The following FAT4 variants were observed in gnomAD, a reference collection of about 807,000 sequenced individuals.
FAT4 encodes the protein FAT atypical cadherin 4, also known as protocadherin Fat 4.
FAT4 carries 84 observed loss-of-function variants against 303.9 expected under a neutral mutation model. That is an observed-to-expected ratio of 0.28 (90% CI 0.23 to 0.33). The LOEUF is 0.33. Ranked by LOEUF, FAT4 falls within the 10% of genes least tolerant of loss-of-function variation. FAT4 has a pLI of 1.00. For missense variants in FAT4, 6,005 were observed against 6,146.8 expected, an observed-to-expected ratio of 0.98 and a Z score of 0.77; for synonymous variants, 2,307 against 2,298.8, an observed-to-expected ratio of 1.00 and a Z score of -0.10.
At chr4:125,360,043 T>G (rs1039361234) in intron 2 of FAT4, among the ~76,000 whole-genome samples, 1 of 152,166 alleles carries the variant, frequency 6.6e-6, no homozygotes, top group Non-Finnish European at 1.5e-5. Context: ...CTAAACTGTC[T>G]TCCTCTCCCT....
chr4:125,349,252 G>T (rs1732128279), intron 2 of FAT4, among the ~76,000 whole-genome samples: 1 of 151,636 alleles, frequency 6.6e-6, no homozygotes, highest in Admixed American at 6.6e-5. Flanking sequence ...ATAGTTGAGA[G>T]AAATATATTT....
rs1727651217 is a variant in FAT4, at chr4:125,491,645, C to T, written c.14829C>T (p.Gly4943=). 6.2e-7 allele frequency: 1 copy of T among 1,614,050 alleles called. No homozygotes were observed. The highest frequency in any genetic ancestry group is 8.5e-7 in the Non-Finnish European group (1 of 1,180,012). ...TTTTGAACTGGGGCCCTGGCTTTGG[C>T]CATTATGTAGATGTTTTTAAAGATT... is the stretch of plus-strand genomic sequence containing the variant. ...DNLLNWGPGF[G]HYVDVFKDLA... Residue 4943 remains glycine, a synonymous_variant, in exon 18 of 18, where the codon GGC becomes GGT. Coordinates refer to ENST00000394329, the MANE Select transcript of FAT4 (RefSeq NM_001291303.3).
At chr4:125,444,543 C>A (rs1321598913) in intron 8 of FAT4, among the ~76,000 whole-genome samples, 1 of 152,060 alleles carries the variant, frequency 6.6e-6, no homozygotes, top group Non-Finnish European at 1.5e-5. Flanking sequence ...TAAATGATAG[C>A]AAGTCTTTTT....
chr4:125,488,516 T>C (rs1727490434), intron 17 of FAT4, among the ~76,000 whole-genome samples: 1 of 152,048 alleles, frequency 6.6e-6, no homozygotes, highest in Non-Finnish European at 1.5e-5. Flanking sequence ...TAGAAAGAAA[T>C]GGATAGGCAA....
Position 125,336,813 on chromosome 4 carries a change from T to A in FAT4, c.5175+15227T>A, listed in dbSNP as rs146270263. On this transcript the variant is annotated intron_variant, in intron 2 of 17. Coordinates refer to ENST00000394329, the MANE Select transcript of FAT4 (RefSeq NM_001291303.3). ...GTTGAGGCGATATGTTAGAACAAAT[T>A]TAATTATACTATGACTATGAAAACA... Among the ~76,000 whole-genome samples, 557 of 132,900 alleles carry A rather than the reference T, an allele frequency of 4.2e-3. 2 individuals carry two copies. The highest frequency in any genetic ancestry group is 0.016 in the African/African-American group (530 of 33,822). 87.2% of individuals were successfully genotyped at this position (132,900 alleles called of 152,430 possible). A position where few individuals can be genotyped will look rare whatever the true frequency, so the allele number is the denominator to read the frequency against.
chr4:125,357,195 G>C (rs183614739), intron 2 of FAT4, among the ~76,000 whole-genome samples: 1 of 152,200 alleles, frequency 6.6e-6, no homozygotes, highest in Non-Finnish European at 1.5e-5. Context: ...TAAACAAAAA[G>C]AAGCGTTGAA....
intron 2 of FAT4, among the ~76,000 whole-genome samples, chr4:125,325,300 G>A (rs987480322): frequency 6.6e-6 from 1 of 152,092 alleles, no homozygotes; most frequent in Admixed American, 6.5e-5. Flanking sequence ...AATTATTGGT[G>A]TAACTGATAA....
In FAT4 at chr4:125,320,337, A is replaced by T. The variant is rs184971791; in HGVS notation, c.3926A>T (p.Asn1309Ile). The T allele has an allele frequency of 4.3e-6, 7 of 1,613,746 alleles. No homozygotes were observed. The highest frequency in any genetic ancestry group is 1.3e-5 in the African/African-American group (1 of 74,898). The change falls in exon 2 of 18, where the codon AAT (asparagine) becomes ATT (isoleucine). Residue 1309 changes from asparagine to isoleucine, a missense_variant. Physicochemically the swap from Asn to Ile is moderately radical, Grantham distance 149 (BLOSUM62 -3). Coordinates refer to ENST00000394329, the MANE Select transcript of FAT4 (RefSeq NM_001291303.3). Reference sequence around the variant, plus strand: ...TTAAATATTGATATTTTAGATGAAAATGACAATACCCCTTCTTTCCCTAAA... The same window carrying T: ...TTAAATATTGATATTTTAGATGAAATTGACAATACCCCTTCTTTCCCTAAA... Reference protein sequence around the residue: ...CTLNIDILDENDNTPSFPKST... With the variant: ...CTLNIDILDEIDNTPSFPKST...
At chr4:125,321,774 A>G (rs756623600) in intron 2 of FAT4, among the ~76,000 whole-genome samples, 188 bp downstream of exon 2, 6 of 152,224 alleles carry the variant, frequency 3.9e-5, no homozygotes, top group African/African-American at 9.6e-5. Flanking sequence ...CTTGGTTGCA[A>G]CTAAACAACA....
At chr4:125,487,904 T>C (rs1333623396) in intron 17 of FAT4, among the ~76,000 whole-genome samples, 1 of 152,224 alleles carries the variant, frequency 6.6e-6, no homozygotes, top group African/African-American at 2.4e-5. Flanking sequence ...TTTGATGCTT[T>C]GCTTGTCCAC....
intron 2 of FAT4, among the ~76,000 whole-genome samples, chr4:125,363,557 A>G (rs887228518): frequency 6.6e-6 from 1 of 151,448 alleles, no homozygotes; most frequent in Admixed American, 6.6e-5. Flanking sequence ...GTGCAGTGGT[A>G]TGATCTCGGC....
intron 3 of FAT4, among the ~76,000 whole-genome samples, chr4:125,400,549 T>C (rs1469625872): frequency 6.6e-6 from 1 of 152,080 alleles, no homozygotes; most frequent in Non-Finnish European, 1.5e-5. Context: ...TGTTTGTGTA[T>C]GTGTGCACAC....
chr4:125,449,174 C>T lies in FAT4; in HGVS notation c.8164C>T (p.His2722Tyr), dbSNP rs779344742. 9 of 1,613,776 alleles carry T rather than the reference C, an allele frequency of 5.6e-6. No homozygotes were observed. Among genetic ancestry groups the T allele is most frequent in the African/African-American group, 5.3e-5 (4 of 74,898 alleles). The change falls in exon 10 of 18, where the codon CAT (histidine) becomes TAT (tyrosine). Residue 2722 changes from histidine (H) to tyrosine (Y), a missense_variant. Coordinates refer to ENST00000394329, the MANE Select transcript of FAT4 (RefSeq NM_001291303.3). ...CATGGAAAATAGTTTCAGTATCAAT[C>T]ATGCTACTGGTGAAATTAGAAGCGT... is the stretch of plus-strand genomic sequence containing the variant. ...GNMENSFSIN[H>Y]ATGEIRSVRP...
At chr4:125,468,196 T>G (rs2126075734) in intron 11 of FAT4, among the ~76,000 whole-genome samples, 1 of 152,134 alleles carries the variant, frequency 6.6e-6, no homozygotes, top group South Asian at 2.1e-4. Flanking sequence ...TTGAAACGTT[T>G]CTGGGAAAGA....
intron 2 of FAT4, among the ~76,000 whole-genome samples, chr4:125,376,484 G>A (rs1733326679): frequency 6.6e-6 from 1 of 152,108 alleles, no homozygotes; most frequent in Non-Finnish European, 1.5e-5. Context: ...AGCATTAGGA[G>A]AAATACCTAA....
chr4:125,455,844 A>T (rs180679073), intron 10 of FAT4, among the ~76,000 whole-genome samples: 4 of 152,340 alleles, frequency 2.6e-5, no homozygotes, highest in Middle Eastern at 3.4e-3. Context: ...CAGAAATCGG[A>T]ACTACTCTCA....
intron 2 of FAT4, among the ~76,000 whole-genome samples, chr4:125,378,627 G>T (rs1482215705): frequency 6.6e-6 from 1 of 151,980 alleles, no homozygotes; most frequent in Non-Finnish European, 1.5e-5. Context: ...GATAATATTT[G>T]TTTTGTTATA....
At chr4:125,334,160 A>T (rs529347438) in intron 2 of FAT4, among the ~76,000 whole-genome samples, 1 of 152,230 alleles carries the variant, frequency 6.6e-6, no homozygotes, top group South Asian at 2.1e-4. Flanking sequence ...TCGGAGTGAG[A>T]AAAGGAGGCT....
At chr4:125,448,347 T>C (rs1048420604) in intron 9 of FAT4, 114 bp from the exon 10 acceptor site, 16 of 955,238 alleles carry the variant, frequency 1.7e-5, no homozygotes, top group Non-Finnish European at 2.3e-5. Flanking sequence ...CTAGTAATCA[T>C]GAGAAAATAA....
Sources: allele counts gnomAD v4.1 joint callset (sites outside exome capture counted in the v4.1 genomes callset), GRCh38; gene constraint gnomAD v4.1.1; transcripts MANE v1.5; gene names NCBI Gene and HGNC (gene_info 2026-07-23, HGNC 2026-07-21).